The following GRIP1 variants were observed in gnomAD, a reference collection of about 807,000 sequenced individuals.
The protein encoded by GRIP1 is glutamate receptor interacting protein 1.
A neutral mutation model predicts 129.9 loss-of-function variants in GRIP1; 45 were observed. The ratio of observed to expected loss-of-function variants is 0.35; its 90% CI spans 0.27 to 0.44. GRIP1 has a LOEUF of 0.44. Among genes scored for constraint, GRIP1 ranks in the 20% least tolerant of loss-of-function variants. The pLI is 1.00. For missense variants in GRIP1, 1,196 were observed against 1,396.8 expected, an observed-to-expected ratio of 0.86 and a Z score of 2.29; for synonymous variants, 530 against 520.8, an observed-to-expected ratio of 1.02 and a Z score of -0.24.
intron 1 of GRIP1, among the ~76,000 whole-genome samples, chr12:66,863,903 A>G (rs2040155830): frequency 6.6e-6 from 1 of 152,118 alleles, no homozygotes; most frequent in Admixed American, 6.6e-5. Flanking sequence ...GACCACACTG[A>G]ATTGTACTGA....
intron 1 of GRIP1, among the ~76,000 whole-genome samples, chr12:66,861,470 C>T (rs2040110537): frequency 6.6e-6 from 1 of 152,116 alleles, no homozygotes; most frequent in Admixed American, 6.6e-5. Context: ...TCTGCACTGG[C>T]TTGTTCAGAA....
At position 66,552,361 on chromosome 12, in the gene GRIP1, A is replaced by G. The variant is rs1384675133; in HGVS notation, c.137-10411T>C. On this transcript the variant is annotated intron_variant, in intron 2 of 24. Transcript: ENST00000359742. Reference sequence around the variant, plus strand: ...AACCTGACTGAATAGAGAGATTAAAATGAAGAAATTTGTGATACTTTTAAA... The same window carrying G: ...AACCTGACTGAATAGAGAGATTAAAGTGAAGAAATTTGTGATACTTTTAAA... 2.3e-4 allele frequency among the ~76,000 whole-genome samples: 35 copies of G among 152,220 alleles called. 1 individual carries two copies.
At chr12:66,856,994 C>T (rs1368965874) in intron 1 of GRIP1, among the ~76,000 whole-genome samples, 1 of 152,048 alleles carries the variant, frequency 6.6e-6, no homozygotes, top group Non-Finnish European at 1.5e-5. Flanking sequence ...CAATGATAGA[C>T]TGGATTAAGA....
intron 1 of GRIP1, among the ~76,000 whole-genome samples, chr12:67,034,932 C>A (rs2043073440): frequency 6.6e-6 from 1 of 152,194 alleles, no homozygotes; most frequent in African/African-American, 2.4e-5. Context: ...ATATAAAAAA[C>A]CAATTTGTCC....
intron 1 of GRIP1, among the ~76,000 whole-genome samples, chr12:67,010,697 T>C (rs1278362245): frequency 6.6e-6 from 1 of 152,076 alleles, no homozygotes; most frequent in African/African-American, 2.4e-5. Context: ...TCATTGTAGC[T>C]AACCCAAGAG....
chr12:66,820,640 T>C (rs939593931), intron 1 of GRIP1, among the ~76,000 whole-genome samples: 14 of 152,092 alleles, frequency 9.2e-5, no homozygotes, highest in African/African-American at 3.1e-4. Flanking sequence ...AACTAAACTA[T>C]GGTACATTCA....
intron 1 of GRIP1, among the ~76,000 whole-genome samples, chr12:66,832,424 C>A (rs865962438): frequency 3.3e-5 from 5 of 152,248 alleles, no homozygotes; most frequent in Middle Eastern, 3.4e-3. Context: ...AGCTGACATT[C>A]ATCCTTCTAA....
chr12:66,707,218 A>G (rs2035560663), intron 1 of GRIP1, among the ~76,000 whole-genome samples: 1 of 151,856 alleles, frequency 6.6e-6, no homozygotes, highest in African/African-American at 2.4e-5. Context: ...ATGCTCTTAG[A>G]GACTTCCAAA....
At chr12:66,708,065 T>C (rs2035593486) in intron 1 of GRIP1, among the ~76,000 whole-genome samples, 1 of 152,016 alleles carries the variant, frequency 6.6e-6, no homozygotes, top group South Asian at 2.1e-4. Flanking sequence ...CTGTTAATAG[T>C]CTAAAAGGAC....
At chr12:66,811,645 C>T (rs2039107097) in intron 1 of GRIP1, among the ~76,000 whole-genome samples, 1 of 151,864 alleles carries the variant, frequency 6.6e-6, no homozygotes, top group African/African-American at 2.4e-5. Context: ...TCCTCCTTCC[C>T]TCCCTCCTTC....
At chr12:66,846,782 C>A (rs1333640487) in intron 1 of GRIP1, among the ~76,000 whole-genome samples, 1 of 152,160 alleles carries the variant, frequency 6.6e-6, no homozygotes, top group Non-Finnish European at 1.5e-5. Context: ...ACATGTCACA[C>A]CACAGGGGGC....
At chr12:67,027,855 T>A (rs933110021) in intron 1 of GRIP1, among the ~76,000 whole-genome samples, 1 of 152,058 alleles carries the variant, frequency 6.6e-6, no homozygotes, top group African/African-American at 2.4e-5. Context: ...AAAAAACAGT[T>A]GAAACCTCTA....
chr12:66,664,107 T>A (rs2033664978), intron 1 of GRIP1, among the ~76,000 whole-genome samples: 1 of 149,158 alleles, frequency 6.7e-6, no homozygotes, highest in South Asian at 2.1e-4. Flanking sequence ...GAGATTACAT[T>A]TTTTTTTTTT....
At chr12:66,625,997 C>A (rs1175501517) in intron 1 of GRIP1, among the ~76,000 whole-genome samples, 3 of 152,046 alleles carry the variant, frequency 2.0e-5, no homozygotes, top group Non-Finnish European at 4.4e-5. Flanking sequence ...AACCAGCCCA[C>A]TTCTGGAGGG....
intron 1 of GRIP1, among the ~76,000 whole-genome samples, chr12:66,836,934 T>C (rs1009106057): frequency 6.6e-6 from 1 of 152,192 alleles, no homozygotes; most frequent in Non-Finnish European, 1.5e-5. Context: ...GGTACATTCA[T>C]GTTGTTGTTT....
At chr12:67,014,641 G>A (rs966003484) in intron 1 of GRIP1, among the ~76,000 whole-genome samples, 1 of 151,882 alleles carries the variant, frequency 6.6e-6, no homozygotes, top group Admixed American at 6.6e-5. Flanking sequence ...TTATATTTGA[G>A]AAAACTTCCA....
chr12:66,969,789 G>A (rs1488362303), intron 1 of GRIP1, among the ~76,000 whole-genome samples: 1 of 151,888 alleles, frequency 6.6e-6, no homozygotes, highest in Non-Finnish European at 1.5e-5. Context: ...CAAGATTACT[G>A]AGACTTTTAA....
At chr12:66,665,324 T>A (rs529076520) in intron 1 of GRIP1, among the ~76,000 whole-genome samples, 68 of 152,316 alleles carry the variant, frequency 4.5e-4, no homozygotes, top group African/African-American at 1.5e-3. Flanking sequence ...AACTTTTTAT[T>A]ACAATATGGC....
intron 5 of GRIP1, among the ~76,000 whole-genome samples, chr12:66,529,133 T>TA (rs545592473): frequency 4.5e-4 from 65 of 144,262 alleles, no homozygotes; most frequent in South Asian, 1.5e-3. Flanking sequence ...AATCAAAAAA[T>TA]AAAAAAAAAA....
Sources: gnomAD v4.1 joint callset for allele counts (sites outside exome capture counted in the v4.1 genomes callset) on GRCh38, gnomAD v4.1.1 for gene constraint, MANE v1.5 for transcripts, NCBI Gene and HGNC (gene_info 2026-07-23, HGNC 2026-07-21) for gene names.